PTPN20: variants seen among roughly 807,000 people sequenced by gnomAD.
The protein encoded by PTPN20 is tyrosine-protein phosphatase non-receptor type 20.
A neutral mutation model predicts 35.0 loss-of-function variants in PTPN20; 9 were observed. That is an observed-to-expected ratio of 0.26 (90% CI 0.15 to 0.45). The LOEUF (loss-of-function observed/expected upper bound fraction) is 0.45. Among genes scored for constraint, PTPN20 ranks in the 20% least tolerant of loss-of-function variants. PTPN20 has a pLI of 1.00. For synonymous variants in PTPN20, 32 were observed against 100.2 expected, an observed-to-expected ratio of 0.32 and a Z score of 4.06; for missense variants, 111 against 312.5, an observed-to-expected ratio of 0.36 and a Z score of 4.86.
downstream of PTPN20, among the ~76,000 whole-genome samples, chr10:47,003,329 T>C (rs1159107284): frequency 6.6e-6 from 1 of 152,106 alleles, no homozygotes; most frequent in Non-Finnish European, 1.5e-5. Flanking sequence ...ATACCTCCTG[T>C]TAGCACAGTA....
At chr10:46,939,644 C>T in intron 2 of PTPN20, among the ~76,000 whole-genome samples, 1 of 150,754 alleles carries the variant, frequency 6.6e-6, no homozygotes, top group African/African-American at 2.4e-5. Flanking sequence ...TCTTTGGCTT[C>T]TATGATTGAA....
intron 9 of PTPN20, among the ~76,000 whole-genome samples, chr10:46,996,527 A>G (rs1450341832): frequency 6.6e-6 from 1 of 152,110 alleles, no homozygotes; most frequent in Non-Finnish European, 1.5e-5. Context: ...CCTTTTATGG[A>G]TCATGTTTTG....
intron 9 of PTPN20, among the ~76,000 whole-genome samples, chr10:46,991,891 A>T (rs2058033698): frequency 6.6e-6 from 1 of 152,040 alleles, no homozygotes; most frequent in East Asian, 1.9e-4. Context: ...GAATCTGTTA[A>T]CTATATGTCT....
chr10:46,994,626 G>A (rs935726379), intron 9 of PTPN20, among the ~76,000 whole-genome samples: 6 of 152,090 alleles, frequency 3.9e-5, no homozygotes, highest in East Asian at 1.9e-4. Context: ...GAGCCACCGC[G>A]CCCGGCCCTG....
chr10:46,982,906 A>G lies in PTPN20; in HGVS notation c.584-1324A>G, dbSNP rs2055882789. Among the ~76,000 whole-genome samples the G allele has an allele frequency of 3.3e-5, 5 of 152,260 alleles. No homozygotes were observed. The South Asian group carries it at 1.0e-3, about 32-fold the overall frequency. On this transcript the variant is annotated intron_variant, in intron 7 of 10. Coordinates refer to ENST00000374339, the MANE Select transcript of PTPN20 (RefSeq NM_001042357.5). Reference sequence around the variant, plus strand: ...CATATTTGTTAGTAAACATAGGTATAAAGTATTGTTTTAAATAATTAATGC... The same window carrying G: ...CATATTTGTTAGTAAACATAGGTATGAAGTATTGTTTTAAATAATTAATGC...
At chr10:46,945,321 G>A (rs1555140076) in intron 4 of PTPN20, among the ~76,000 whole-genome samples, 1 of 152,050 alleles carries the variant, frequency 6.6e-6, no homozygotes, top group Non-Finnish European at 1.5e-5. Flanking sequence ...AGGAATGCTG[G>A]TGGCAAGGTG....
chr10:46,937,712 T>C (rs1204467247), intron 2 of PTPN20, among the ~76,000 whole-genome samples: 2 of 152,008 alleles, frequency 1.3e-5, no homozygotes, highest in Non-Finnish European at 2.9e-5. Flanking sequence ...ATCATGTTTT[T>C]CTTTATTTCC....
At chr10:46,928,176 A>G (rs1299353522) in intron 1 of PTPN20, among the ~76,000 whole-genome samples, 1 of 151,870 alleles carries the variant, frequency 6.6e-6, no homozygotes, top group African/African-American at 2.4e-5. Context: ...CATTGTTGAT[A>G]TAGGGTCTCA....
At chr10:46,977,012 C>T (rs1246741729) in intron 7 of PTPN20, among the ~76,000 whole-genome samples, 2 of 152,088 alleles carry the variant, frequency 1.3e-5, no homozygotes, top group African/African-American at 4.8e-5. Flanking sequence ...TGATACTCAG[C>T]TATTTGGTCA....
intron 9 of PTPN20, among the ~76,000 whole-genome samples, chr10:46,995,543 G>T (rs2058947824): frequency 6.6e-6 from 1 of 152,046 alleles, no homozygotes; most frequent in Non-Finnish European, 1.5e-5. Context: ...TGTATCTTCT[G>T]CAATGTGGTG....
At position 46,932,441 on chromosome 10, in the gene PTPN20, A is replaced by T. The variant is rs2040017255; in HGVS notation, c.-59A>T. The T allele has an allele frequency of 6.2e-7, 1 of 1,611,786 alleles. No homozygotes were observed. The highest frequency in any genetic ancestry group is 8.5e-7 in the Non-Finnish European group (1 of 1,179,826). On this transcript the variant is annotated 5_prime_UTR_variant, in exon 2 of 11. Coordinates refer to ENST00000374339, the MANE Select transcript of PTPN20 (RefSeq NM_001042357.5). ...AGACCTTTGGCCTGACTCACAGGAC[A>T]CTAAGGCTCCTTTTCTGAAGAAGCC...
At chr10:46,967,707 C>G (rs1212711079) in intron 6 of PTPN20, among the ~76,000 whole-genome samples, 1,854 of 119,688 alleles carry the variant, frequency 0.015, 9 homozygotes, top group Middle Eastern at 0.049. Context: ...GAAAGTATCT[C>G]CAGAAAGTTT....
At chr10:46,977,347 A>G (rs2054064787) in intron 7 of PTPN20, among the ~76,000 whole-genome samples, 1 of 152,298 alleles carries the variant, frequency 6.6e-6, no homozygotes, top group South Asian at 2.1e-4. Context: ...TATACAGCCT[A>G]TTGATTCTAT....
intron 1 of PTPN20, among the ~76,000 whole-genome samples, chr10:46,923,405 C>A (rs1176422593): frequency 1.4e-5 from 2 of 146,282 alleles, no homozygotes; most frequent in South Asian, 2.1e-4. Flanking sequence ...GTCTGTGATT[C>A]ATTTTGAGTT....
At chr10:46,928,243 A>G (rs2038314535) in intron 1 of PTPN20, among the ~76,000 whole-genome samples, 1 of 152,104 alleles carries the variant, frequency 6.6e-6, no homozygotes, top group Non-Finnish European at 1.5e-5. Context: ...AGTAATCTTT[A>G]ATGAGCTTGC....
chr10:46,983,176 A>T, intron 7 of PTPN20, among the ~76,000 whole-genome samples: 1 of 150,748 alleles, frequency 6.6e-6, no homozygotes, highest in Admixed American at 6.7e-5. Flanking sequence ...TCCCTGGTTC[A>T]AGCGATTCTC....
chr10:46,965,935 TGA>T (rs2050459519), intron 6 of PTPN20, among the ~76,000 whole-genome samples: 1 of 76,756 alleles, frequency 1.3e-5, no homozygotes. Flanking sequence ...TTTTTTTTTT[TGA>T]GATGAGTCTT....
chr10:46,948,282 G>A (rs2045614465), intron 5 of PTPN20, among the ~76,000 whole-genome samples: 1 of 151,496 alleles, frequency 6.6e-6, no homozygotes, highest in African/African-American at 2.4e-5. Flanking sequence ...ACATGTTAAT[G>A]ATAGTTATTT....
intron 7 of PTPN20, among the ~76,000 whole-genome samples, chr10:46,972,170 GA>G (rs1200100430): frequency 0.018 from 2,251 of 122,814 alleles, 16 homozygotes; most frequent in African/African-American, 0.063. Flanking sequence ...CAGGCTAGAA[GA>G]AAAATACAGG....
Sources: allele counts gnomAD v4.1 joint callset (sites outside exome capture counted in the v4.1 genomes callset), GRCh38; gene constraint gnomAD v4.1.1; transcripts MANE v1.5; gene names NCBI Gene and HGNC (gene_info 2026-07-23, HGNC 2026-07-21).